Variants in JAKMIP1 observed in about 807,000 individuals in gnomAD.
The protein encoded by JAKMIP1 is janus kinase and microtubule-interacting protein 1.
In JAKMIP1, 33 loss-of-function variants were observed where a neutral mutation model predicts 113.0. The observed-to-expected ratio is 0.29, with a 90% CI of 0.22 to 0.39. JAKMIP1 has a LOEUF of 0.39. JAKMIP1 is among the 10% of genes least tolerant of loss of function. The pLI, the probability that JAKMIP1 is intolerant of heterozygous loss-of-function variation, is 1.00. For synonymous variants in JAKMIP1, 480 were observed against 459.9 expected (o/e 1.04, Z -0.56); for missense variants, 813 against 1,080.5 (o/e 0.75, Z 3.47).
intron 1 of JAKMIP1, among the ~76,000 whole-genome samples, chr4:6,131,498 G>A (rs1468983207): frequency 6.6e-6 from 1 of 152,132 alleles, no homozygotes; most frequent in Non-Finnish European, 1.5e-5. Flanking sequence ...GGGAGGCTGA[G>A]GTGGGTGGAT....
At position 6,164,711 on chromosome 4, in the gene JAKMIP1, A is replaced by G. The variant is rs530254658; in HGVS notation, c.-148+35542T>C. On this transcript the variant is annotated intron_variant, in intron 1 of 20. Transcript: ENST00000409021. ...ATTAACACTAACAAGAGTTTGGAAG[A>G]AGTTGATTCTAACCCCTATGGATGA... 3.3e-5 allele frequency among the ~76,000 whole-genome samples: 5 copies of G among 152,350 alleles called. No homozygotes were observed. In the South Asian group the frequency reaches 1.0e-3, roughly 32 times the overall value.
intron 1 of JAKMIP1, among the ~76,000 whole-genome samples, chr4:6,113,611 A>G (rs1367320183): frequency 1.3e-5 from 2 of 152,180 alleles, no homozygotes; most frequent in African/African-American, 4.8e-5. Flanking sequence ...TGGTGATGTC[A>G]CTCAACTACT....
At chr4:6,075,636 A>G (rs570416576) in intron 8 of JAKMIP1, among the ~76,000 whole-genome samples, 8 of 152,272 alleles carry the variant, frequency 5.3e-5, no homozygotes, top group South Asian at 2.1e-4. Context: ...GTGACCACAC[A>G]TCACCGTTCT....
rs1728224262 is a variant in JAKMIP1 at position 6,199,619 on chromosome 4, T to C, written c.-148+634A>G. ...CTTTCTTCCCATCTCTCGAGCCTCC[T>C]CCCCGGCGCCCACGTGGGCGGAGCA... is the stretch of plus-strand genomic sequence containing the variant. On this transcript the variant is annotated intron_variant, in intron 1 of 20. Transcript: ENST00000409021. The surrounding 1 kb of genome is among the most constrained non-coding windows in gnomAD (Gnocchi z 5.6). 6.6e-6 allele frequency among the ~76,000 whole-genome samples: 1 copy of C among 151,586 alleles called. No homozygotes were observed. The highest frequency in any genetic ancestry group is 1.5e-5 in the Non-Finnish European group (1 of 67,810).
rs1475589913 is a variant in JAKMIP1, at chr4:6,183,478, C to CAATAAATAAATAAATAAATAAATA, written c.-148+16751_-148+16774dup. On this transcript the variant is annotated intron_variant, in intron 1 of 20. Coordinates refer to ENST00000409021, the MANE Select transcript of JAKMIP1 (RefSeq NM_001099433.2). The surrounding 1 kb of genome is among the most constrained non-coding windows in gnomAD (Gnocchi z 5.3). ...TGGGTGACAGAGCAAGACTCTGTCT[C>CAATAAATAAATAAATAAATAAATA]AATAAATAAATAAATAAATAAATAA... Among the ~76,000 whole-genome samples the CAATAAATAAATAAATAAATAAATA allele has an allele frequency of 0.14, 17,404 of 126,444 alleles. 1,625 individuals carry two copies. Among genetic ancestry groups the CAATAAATAAATAAATAAATAAATA allele is most frequent in the Middle Eastern group, 0.18 (45 of 246 alleles). The allele number at this position is 126,444 out of a possible 152,430, so 83.0% of individuals were successfully genotyped here. A position where few individuals can be genotyped will look rare whatever the true frequency, so the allele number is the denominator to read the frequency against.
chr4:6,056,784 C>T, intron 11 of JAKMIP1, 25 bp from the exon 12 acceptor site: 1 of 1,535,300 alleles, frequency 6.5e-7, no homozygotes, highest in Non-Finnish European at 9.0e-7. Flanking sequence ...TAAATATGGT[C>T]ACATTCATGG....
intron 11 of JAKMIP1, 74 bp from the exon 12 acceptor site, chr4:6,056,833 A>G: frequency 9.9e-7 from 1 of 1,012,750 alleles, no homozygotes; most frequent in Non-Finnish European, 1.6e-6. Flanking sequence ...TTTAGTGAGA[A>G]AGGTCACTTT....
At position 6,113,684 on chromosome 4, in the gene JAKMIP1, A is replaced by T. The variant is rs139056104; in HGVS notation, c.-147-687T>A. The stretch of plus-strand genomic sequence containing the variant: ...GCTGGAAGCGGGTGAGCCAGGACTG[A>T]GCCTAATCACCGCCCCAAGCTGCCT... On this transcript the variant is annotated intron_variant, in intron 1 of 20. Transcript: ENST00000409021. Among the ~76,000 whole-genome samples, 201 of 152,332 alleles carry T rather than the reference A, an allele frequency of 1.3e-3. No individual in the cohort carries two copies. In the Middle Eastern group the frequency reaches 0.017, roughly 13 times the overall value.
rs1326686160 is a variant in JAKMIP1 at position 6,032,044 on chromosome 4, A to G, written c.2380-2263T>C. Among the ~76,000 whole-genome samples the G allele has an allele frequency of 4.6e-5, 7 of 152,162 alleles. No individual in the cohort carries two copies. The East Asian group carries it at 1.3e-3, about 29-fold the overall frequency. ...GGCGGCCGAGTGCTGCTGAGTAAGC[A>G]GGGCATGTGGCCTGAACCCGGCTTG... On this transcript the variant is annotated intron_variant, in intron 19 of 20. Transcript: ENST00000409021.
chr4:6,129,199 T>C lies in JAKMIP1; in HGVS notation c.-147-16202A>G, dbSNP rs754547239. Among the ~76,000 whole-genome samples the C allele has an allele frequency of 6.6e-6, 1 of 152,212 alleles. No individual in the cohort carries two copies. Among genetic ancestry groups the C allele is most frequent in the Non-Finnish European group, 1.5e-5 (1 of 68,028 alleles). ...CAGGAGGACACACGCCATCCAGCCA[T>C]CAAGGGACACAGGTTTCCTGATTCC... is the stretch of plus-strand genomic sequence containing the variant. On this transcript the variant is annotated intron_variant, in intron 1 of 20. Coordinates refer to ENST00000409021, the MANE Select transcript of JAKMIP1 (RefSeq NM_001099433.2). The surrounding 1 kb of genome is among the most constrained non-coding windows in gnomAD (Gnocchi z 5.4).
rs1449873583 is a variant in JAKMIP1 at position 6,065,073 on chromosome 4, G to A, written c.1303-65C>T. ...GATTGCCAGAGTCTACCAGTCCCTG[G>A]TCGTGGGCATGCCAGTGCAGGGGGG... On this transcript the variant is annotated intron_variant, in intron 8 of 20. Coordinates refer to ENST00000409021, the MANE Select transcript of JAKMIP1 (RefSeq NM_001099433.2). This position sits in a 1 kb window ranked among gnomAD's most constrained non-coding sequence, Gnocchi z 5.1. 10 of 1,600,392 alleles carry A rather than the reference G, an allele frequency of 6.2e-6. No individual in the cohort carries two copies. The highest frequency in any genetic ancestry group is 5.4e-5 in the African/African-American group (4 of 74,728).
At chr4:6,036,203 G>A (rs1713410071) in intron 18 of JAKMIP1, 96 bp from the exon 19 acceptor site, 3 of 1,018,302 alleles carry the variant, frequency 2.9e-6, no homozygotes, top group Middle Eastern at 2.4e-4. Flanking sequence ...GCCAGGGAGG[G>A]GGGTTTCGGG....
chr4:6,159,949 A>G (rs915732795), intron 1 of JAKMIP1, among the ~76,000 whole-genome samples: 1 of 151,828 alleles, frequency 6.6e-6, no homozygotes, highest in Non-Finnish European at 1.5e-5. Flanking sequence ...ACATGATCCC[A>G]TTTTTCATGG....
rs1722668777 is a variant in JAKMIP1, at chr4:6,159,658, A to C, written c.-148+40595T>G. On this transcript the variant is annotated intron_variant, in intron 1 of 20. Coordinates refer to ENST00000409021, the MANE Select transcript of JAKMIP1 (RefSeq NM_001099433.2). ...ACAAATTTTCACTCATCACATTGGC[A>C]AAAATGTTAAAGATTTGCTGTTGGC... Among the ~76,000 whole-genome samples, 2 of 152,364 alleles carry C rather than the reference A, an allele frequency of 1.3e-5. 1 individual carries two copies. Among genetic ancestry groups the C allele is most frequent in the South Asian group, 4.1e-4 (2 of 4,822 alleles).
At chr4:6,146,797 A>G (rs1206221542) in intron 1 of JAKMIP1, among the ~76,000 whole-genome samples, 1 of 152,216 alleles carries the variant, frequency 6.6e-6, no homozygotes, top group African/African-American at 2.4e-5. Context: ...GTGGTGGAAC[A>G]GGATTTGAAC....
chr4:6,183,672 G>A lies in JAKMIP1; in HGVS notation c.-148+16581C>T, dbSNP rs1726317754. ...GATGCTTGACTTCTTTTTTCTAGGT[G>A]TAATAATTTTAAACTGTGAAAACAT... On this transcript the variant is annotated intron_variant, in intron 1 of 20. Coordinates refer to ENST00000409021, the MANE Select transcript of JAKMIP1 (RefSeq NM_001099433.2). This position sits in a 1 kb window ranked among gnomAD's most constrained non-coding sequence, Gnocchi z 5.3. Among the ~76,000 whole-genome samples the A allele has an allele frequency of 6.6e-6, 1 of 151,932 alleles. No individual in the cohort carries two copies. The highest frequency in any genetic ancestry group is 2.4e-5 in the African/African-American group (1 of 41,346).
intron 19 of JAKMIP1, among the ~76,000 whole-genome samples, chr4:6,033,126 T>C (rs758259604): frequency 2.8e-4 from 43 of 152,266 alleles, no homozygotes; most frequent in Non-Finnish European, 5.0e-4. Context: ...CATTCACTAA[T>C]GGATGTTTTC....
chr4:6,098,929 T>C (rs912768037), intron 3 of JAKMIP1, among the ~76,000 whole-genome samples: 13 of 152,232 alleles, frequency 8.5e-5, no homozygotes, highest in African/African-American at 3.1e-4. Context: ...TCATATAGTA[T>C]GTAGCTTTTG....
In JAKMIP1 at chr4:6,142,394, G is replaced by C. The variant is rs1001270560; in HGVS notation, c.-147-29397C>G. 2.0e-5 allele frequency among the ~76,000 whole-genome samples: 3 copies of C among 152,170 alleles called. No homozygotes were observed. The highest frequency in any genetic ancestry group is 2.9e-5 in the Non-Finnish European group (2 of 68,024). On this transcript the variant is annotated intron_variant, in intron 1 of 20. Coordinates refer to ENST00000409021, the MANE Select transcript of JAKMIP1 (RefSeq NM_001099433.2). The surrounding 1 kb of genome is among the most constrained non-coding windows in gnomAD (Gnocchi z 5.5). ...CAGTTTCTCGTGTTCTGTCCTTCCCGAGTCCAGTGTTTTTTAAACGACTGG... is the reference window on the plus strand; with the variant it reads ...CAGTTTCTCGTGTTCTGTCCTTCCCCAGTCCAGTGTTTTTTAAACGACTGG...
Sources: gnomAD v4.1 joint callset for allele counts (sites outside exome capture counted in the v4.1 genomes callset) on GRCh38, gnomAD v4.1.1 for gene constraint, Gnocchi (gnomAD v3.1) non-coding constraint, MANE v1.5 for transcripts, NCBI Gene and HGNC (gene_info 2026-07-23, HGNC 2026-07-21) for gene names.